The following ASTN1 variants were observed in gnomAD, a reference collection of about 807,000 sequenced individuals.
ASTN1 encodes the protein astrotactin 1, also known as astrotactin-1.
A neutral mutation model predicts 140.7 loss-of-function variants in ASTN1; 41 were observed. That is an observed-to-expected ratio of 0.29 (90% CI 0.23 to 0.38). The LOEUF is 0.38. Among genes scored for constraint, ASTN1 ranks in the 10% least tolerant of loss-of-function variants. ASTN1 has a pLI of 1.00. For missense variants in ASTN1, 1,479 were observed against 1,678.8 expected (o/e 0.88, Z 2.08); for synonymous variants, 640 against 652.2 (o/e 0.98, Z 0.29).
chr1:177,164,324 G>C, intron 1 of ASTN1, 70 bp downstream of exon 1: 4 of 1,371,578 alleles, frequency 2.9e-6, no homozygotes, highest in Non-Finnish European at 3.8e-6. Flanking sequence ...GGTGTGTAGA[G>C]CGAGCTGGAG....
chr1:176,911,643 CTA>C (rs1337951797), intron 16 of ASTN1, among the ~76,000 whole-genome samples: 2 of 152,224 alleles, frequency 1.3e-5, no homozygotes, highest in East Asian at 3.9e-4. Context: ...TGGCAGGTCT[CTA>C]GGGGCAGTAA....
chr1:177,145,286 A>G (rs1374796943), intron 1 of ASTN1, among the ~76,000 whole-genome samples: 1 of 152,214 alleles, frequency 6.6e-6, no homozygotes, highest in African/African-American at 2.4e-5. Context: ...GCCCCTGGGA[A>G]ACATGCCAAA....
intron 1 of ASTN1, among the ~76,000 whole-genome samples, chr1:177,078,433 T>G (rs1456986791): frequency 6.6e-6 from 1 of 152,084 alleles, no homozygotes; most frequent in African/African-American, 2.4e-5. Flanking sequence ...TCTGGAATGC[T>G]CAGAGAATTC....
intron 16 of ASTN1, among the ~76,000 whole-genome samples, chr1:176,925,906 T>C (rs545369696): frequency 1.4e-4 from 21 of 151,744 alleles, no homozygotes; most frequent in Middle Eastern, 6.8e-3. Flanking sequence ...CCCGGGTTCA[T>C]GCCATTCTCT....
At chr1:177,064,022 A>C (rs962996312) in intron 1 of ASTN1, among the ~76,000 whole-genome samples, 6 of 152,066 alleles carry the variant, frequency 3.9e-5, no homozygotes, top group African/African-American at 1.4e-4. Flanking sequence ...TTCCCAGGAG[A>C]TCCTCCTCAA....
chr1:176,999,387 C>A (rs1465406954), intron 8 of ASTN1, among the ~76,000 whole-genome samples: 5 of 152,338 alleles, frequency 3.3e-5, no homozygotes, highest in Non-Finnish European at 5.9e-5. Context: ...GAAAAGCATG[C>A]ACTAACTGGT....
Position 176,876,578 on chromosome 1 carries a change from A to C in ASTN1, c.3422T>G (p.Val1141Gly). The C allele has an allele frequency of 6.2e-7, 1 of 1,614,090 alleles. No individual in the cohort carries two copies. Among genetic ancestry groups the C allele is most frequent in the Non-Finnish European group, 8.5e-7 (1 of 1,180,022 alleles). Residue 1141 changes from valine to glycine, a missense_variant, in exon 21 of 23, where the codon GTG becomes GGG. By Grantham distance (109) the Val-to-Gly change is moderately radical. This residue lies in a region of ASTN1 where 746 missense variants were observed against 800.9 expected (regional missense o/e 0.93). Coordinates refer to ENST00000361833, the MANE Select transcript of ASTN1 (RefSeq NM_004319.3). ...GRRSRPSDVI[V>G]KTPCPVVDDV... Reference sequence around the variant, plus strand: ...ATCCACCACGGGGCATGGGGTCTTCACGATCACGTCGCTTGGCCTGGAGCG... The same window carrying C: ...ATCCACCACGGGGCATGGGGTCTTCCCGATCACGTCGCTTGGCCTGGAGCG...
intron 1 of ASTN1, among the ~76,000 whole-genome samples, chr1:177,108,031 A>G (rs527688697): frequency 6.6e-6 from 1 of 152,242 alleles, no homozygotes; most frequent in African/African-American, 2.4e-5. Flanking sequence ...GTATAAAAAT[A>G]TGCTCACCCT....
chr1:176,989,668 G>A (rs1056842493), intron 8 of ASTN1, among the ~76,000 whole-genome samples: 17 of 152,094 alleles, frequency 1.1e-4, no homozygotes, highest in Non-Finnish European at 2.2e-4. Context: ...AGAAGACGAA[G>A]AAGAGAAGAG....
intron 8 of ASTN1, among the ~76,000 whole-genome samples, chr1:176,982,707 G>A (rs1673678716): frequency 6.6e-6 from 1 of 152,096 alleles, no homozygotes; most frequent in South Asian, 2.1e-4. Context: ...TGTCTGATAT[G>A]GGGCATGGCC....
At position 177,100,696 on chromosome 1, in the gene ASTN1, G is replaced by A. The variant is rs75048653; in HGVS notation, c.284-39431C>T. ...TTGTGAGTGGCACAAAAATTACAGC[G>A]CAGGGAAGATGACTCCATTTCTAAG... On this transcript the variant is annotated intron_variant, in intron 1 of 22. Transcript: ENST00000361833. Among the ~76,000 whole-genome samples the A allele has an allele frequency of 6.9e-3, 1,055 of 152,278 alleles. 7 individuals carry two copies. Among genetic ancestry groups the A allele is most frequent in the Non-Finnish European group, 9.5e-3 (645 of 68,026 alleles).
At chr1:177,054,407 T>C (rs772572026) in intron 2 of ASTN1, among the ~76,000 whole-genome samples, 4 of 152,210 alleles carry the variant, frequency 2.6e-5, no homozygotes, top group Non-Finnish European at 5.9e-5. Context: ...AACATCTCTA[T>C]AAGTTAGGTC....
At chr1:177,129,010 T>C (rs1681810588) in intron 1 of ASTN1, among the ~76,000 whole-genome samples, 2 of 152,168 alleles carry the variant, frequency 1.3e-5, no homozygotes, top group African/African-American at 4.8e-5. Flanking sequence ...AAGGATGGTG[T>C]TACCATCAGG....
chr1:177,038,241 C>T (rs1324652490), intron 2 of ASTN1, among the ~76,000 whole-genome samples: 2 of 152,252 alleles, frequency 1.3e-5, no homozygotes, highest in African/African-American at 4.8e-5. Context: ...CTTCTCTAGT[C>T]TCACTGCACT....
intron 11 of ASTN1, among the ~76,000 whole-genome samples, chr1:176,952,020 A>G (rs1015284025): frequency 6.6e-6 from 1 of 152,172 alleles, no homozygotes; most frequent in East Asian, 1.9e-4. Context: ...CTTCGGGCCT[A>G]GATTGTCTGT....
chr1:177,023,280 C>T, intron 7 of ASTN1, 124 bp downstream of exon 7: 1 of 1,247,856 alleles, frequency 8.0e-7, no homozygotes, highest in Middle Eastern at 2.0e-4. Context: ...AGGCAGTCCG[C>T]ATGGTCTAGG....
rs1667967696 is a variant in ASTN1, at chr1:176,861,689, T to C, written c.*2595A>G. 1 of 984,062 alleles carries C rather than the reference T, an allele frequency of 1.0e-6. No individual in the cohort carries two copies. The highest frequency in any genetic ancestry group is 1.7e-5 in the African/African-American group (1 of 57,316). The allele number at this position is 984,062 out of a possible 1,614,324, so 61.0% of individuals were successfully genotyped here. On this transcript the variant is annotated 3_prime_UTR_variant, in exon 23 of 23. Transcript: ENST00000361833. Reference sequence around the variant, plus strand: ...TGTGTGCATTGTGTGTGCACACGTGTGTGTGTGTGTACATACATACACACA... The same window carrying C: ...TGTGTGCATTGTGTGTGCACACGTGCGTGTGTGTGTACATACATACACACA...
In ASTN1 at chr1:176,949,202, G is replaced by A; in HGVS notation, c.2037C>T (p.Asn679=). The A allele has an allele frequency of 6.2e-7, 1 of 1,613,972 alleles. No homozygotes were observed. Among genetic ancestry groups the A allele is most frequent in the Non-Finnish European group, 8.5e-7 (1 of 1,180,020 alleles). ...CAACTCACCCACAGAACATGAGGAT[G>A]TTATACAAGGTGGGGTCGTCCGGGA... The part of the protein sequence containing the change: ...APFPDDPTLY[N]ILMFCGCIED... Residue 679 remains asparagine, a synonymous_variant, in exon 12 of 23, where the codon AAC becomes AAT. Transcript: ENST00000361833.
intron 1 of ASTN1, among the ~76,000 whole-genome samples, chr1:177,066,620 C>G (rs970417634): frequency 2.0e-5 from 3 of 152,116 alleles, no homozygotes; most frequent in African/African-American, 7.2e-5. Flanking sequence ...CTGGCAGTCC[C>G]TGAACTGAGC....
Sources: allele counts gnomAD v4.1 joint callset (sites outside exome capture counted in the v4.1 genomes callset), GRCh38; gene constraint gnomAD v4.1.1; regional missense constraint gnomAD v4.1.1; transcripts MANE v1.5; gene names NCBI Gene and HGNC (gene_info 2026-07-23, HGNC 2026-07-21).